Variants in ACSF3 observed in about 807,000 individuals in gnomAD.
ACSF3 encodes malonate--CoA ligase ACSF3, mitochondrial.
In ACSF3, 78 loss-of-function variants were observed where a neutral mutation model predicts 53.2. The ratio of observed to expected loss-of-function variants is 1.47; its 90% confidence interval spans 1.22 to 1.77. ACSF3 has a LOEUF of 1.77. Among genes scored for constraint, ACSF3 ranks in the 40% most tolerant of loss-of-function variants. ACSF3 has a pLI of 0.00. For missense variants in ACSF3, 937 were observed against 771.1 expected, an observed-to-expected ratio of 1.22 and a Z score of -2.55; for synonymous variants, 414 against 333.1, an observed-to-expected ratio of 1.24 and a Z score of -2.65.
chr16:89,128,549 C>G (rs1315723369), intron 7 of ACSF3, among the ~76,000 whole-genome samples: 2 of 152,180 alleles, frequency 1.3e-5, no homozygotes, highest in African/African-American at 4.8e-5. Context: ...CATGAGCCAC[C>G]ACGCCTGACC....
At chr16:89,145,517 T>C in intron 9 of ACSF3, 116 bp downstream of exon 9, 3 of 1,282,880 alleles carry the variant, frequency 2.3e-6, no homozygotes, top group Non-Finnish European at 3.2e-6. Context: ...CAGGGGTCCC[T>C]GTGATGCTCA....
In ACSF3 at chr16:89,155,397, C is replaced by G. The variant is rs1354200800; in HGVS notation, c.*1190C>G. On this transcript the variant is annotated 3_prime_UTR_variant, in exon 11 of 11. Coordinates refer to ENST00000614302, the MANE Select transcript of ACSF3 (RefSeq NM_001243279.3). ...CCAGCCCCATCTCAGGCTCACATGC[C>G]TCGCGGACAGTTGGACGTGGCCTGG... The G allele has an allele frequency of 2.2e-6, 1 of 453,494 alleles. No individual in the cohort carries two copies. The highest frequency in any genetic ancestry group is 1.6e-5 in the South Asian group (1 of 64,474). 28.1% of individuals were successfully genotyped at this position (453,494 alleles called of 1,614,324 possible).
At chr16:89,132,988 C>G (rs1177038157) in intron 7 of ACSF3, 148 bp from the exon 8 acceptor site, 1 of 1,220,018 alleles carries the variant, frequency 8.2e-7, no homozygotes, top group Admixed American at 1.7e-5. Flanking sequence ...GCTGCGTTTT[C>G]CAAGCATTCC....
At chr16:89,128,238 A>T (rs1290404398) in intron 7 of ACSF3, among the ~76,000 whole-genome samples, 2 of 149,966 alleles carry the variant, frequency 1.3e-5, no homozygotes, top group Non-Finnish European at 3.0e-5. Flanking sequence ...ATTTATATAT[A>T]ATATATATAT....
intron 4 of ACSF3, among the ~76,000 whole-genome samples, chr16:89,108,170 C>T (rs1239899374): frequency 2.6e-5 from 4 of 152,210 alleles, no homozygotes; most frequent in African/African-American, 9.7e-5. Context: ...TCCCACAACA[C>T]GTGGGAATTC....
At chr16:89,097,853 G>C (rs1259625006) in intron 1 of ACSF3, among the ~76,000 whole-genome samples, 1 of 152,202 alleles carries the variant, frequency 6.6e-6, no homozygotes, top group African/African-American at 2.4e-5. Context: ...ATTCAGAGAA[G>C]ACTCACACAG....
intron 3 of ACSF3, among the ~76,000 whole-genome samples, chr16:89,101,918 G>T (rs1225804412): frequency 6.6e-6 from 1 of 152,250 alleles, no homozygotes; most frequent in African/African-American, 2.4e-5. Flanking sequence ...TGAGCACACA[G>T]CAGGCTGGGC....
At chr16:89,128,900 A>C (rs1043267919) in intron 7 of ACSF3, among the ~76,000 whole-genome samples, 1 of 152,180 alleles carries the variant, frequency 6.6e-6, no homozygotes, top group Non-Finnish European at 1.5e-5. Flanking sequence ...AGGCCAAGGC[A>C]GGAGAATCAC....
chr16:89,106,021 T>C (rs1975936318), intron 4 of ACSF3, among the ~76,000 whole-genome samples: 1 of 152,228 alleles, frequency 6.6e-6, no homozygotes, highest in South Asian at 2.1e-4. Context: ...GCTTGGGAGC[T>C]GCTGCTGCGG....
intron 8 of ACSF3, among the ~76,000 whole-genome samples, chr16:89,133,567 C>T (rs1404424490): frequency 6.6e-6 from 1 of 152,218 alleles, no homozygotes; most frequent in Non-Finnish European, 1.5e-5. Flanking sequence ...CGCACCCTGA[C>T]CACAGACGCC....
chr16:89,102,511 C>A (rs1247534094), intron 3 of ACSF3, 93 bp from the exon 4 acceptor site: 2 of 1,465,972 alleles, frequency 1.4e-6, no homozygotes, highest in East Asian at 2.3e-5. Context: ...AGTGGGGAGG[C>A]CCAGAGCTCC....
rs547440522 is a variant in ACSF3 at position 89,146,106 on chromosome 16, G to C, written c.1613+57G>C. The stretch of plus-strand genomic sequence containing the variant: ...CATGGGGTCTTGGGGGTCCAGTCTT[G>C]AGGGCCACCCTAGGTATTGGCATCG... On this transcript the variant is annotated intron_variant, in intron 10 of 10. Coordinates refer to ENST00000614302, the MANE Select transcript of ACSF3 (RefSeq NM_001243279.3). 7 of 1,280,184 alleles carry C rather than the reference G, an allele frequency of 5.5e-6. No individual in the cohort carries two copies. The South Asian group carries it at 8.7e-5, about 16-fold the overall frequency. The allele number at this position is 1,280,184 out of a possible 1,614,324, so 79.3% of individuals were successfully genotyped here. A position where few individuals can be genotyped will look rare whatever the true frequency, so the allele number is the denominator to read the frequency against.
At chr16:89,134,040 G>C (rs936127470) in intron 8 of ACSF3, among the ~76,000 whole-genome samples, 2 of 152,204 alleles carry the variant, frequency 1.3e-5, no homozygotes, top group African/African-American at 2.4e-5. Flanking sequence ...GGGCGTATTT[G>C]GACAGTGGAT....
intron 5 of ACSF3, chr16:89,114,012 G>A (rs747882627): frequency 5.1e-6 from 2 of 388,620 alleles, no homozygotes; most frequent in African/African-American, 2.1e-5. Context: ...GTTCTTGAGC[G>A]TGGTTGTGAA....
intron 2 of ACSF3, among the ~76,000 whole-genome samples, chr16:89,100,042 G>C (rs1975088018): frequency 6.6e-6 from 1 of 151,782 alleles, no homozygotes; most frequent in Non-Finnish European, 1.5e-5. Flanking sequence ...TCGGGAGGCT[G>C]AGGCCACAGG....
chr16:89,096,687 C>G (rs1974648964), intron 1 of ACSF3, among the ~76,000 whole-genome samples: 1 of 152,140 alleles, frequency 6.6e-6, no homozygotes, highest in Non-Finnish European at 1.5e-5. Context: ...GCATCTGTGC[C>G]CTAGACACCC....
Position 89,112,513 on chromosome 16 carries a change from A to C in ACSF3, c.977+267A>C, listed in dbSNP as rs111697031. Among the ~76,000 whole-genome samples the C allele has an allele frequency of 1.2e-4, 18 of 150,098 alleles. No homozygotes were observed. The East Asian group carries it at 1.8e-3, about 15-fold the overall frequency. On this transcript the variant is annotated intron_variant, in intron 5 of 10. Transcript: ENST00000614302. ...TCTCTCTGTCACACTCTGTCTCTCT[A>C]TCTCTCTCTGTCTCTCTTTGTCTCT... is the stretch of plus-strand genomic sequence containing the variant.
At chr16:89,114,039 C>T (rs1904574627) in intron 5 of ACSF3, 1 of 427,400 alleles carries the variant, frequency 2.3e-6, no homozygotes, top group East Asian at 5.2e-5. Flanking sequence ...AGGAACTTTG[C>T]AGGGGACACC....
chr16:89,149,275 C>A (rs1476254275), intron 10 of ACSF3: 2 of 152,254 alleles, frequency 1.3e-5, no homozygotes, highest in African/African-American at 2.4e-5. Flanking sequence ...GTTCCAGCCT[C>A]TGCCTGTTAC....
Sources: gnomAD v4.1 joint callset for allele counts (sites outside exome capture counted in the v4.1 genomes callset) on GRCh38, gnomAD v4.1.1 for gene constraint, MANE v1.5 for transcripts, NCBI Gene and HGNC (gene_info 2026-07-23, HGNC 2026-07-21) for gene names.